EXD3: variants seen among roughly 807,000 people sequenced by gnomAD.
EXD3 encodes the protein exonuclease 3'-5' domain containing 3, also known as exonuclease mut-7 homolog.
Under a neutral mutation model 98.0 loss-of-function variants are expected in EXD3, and 92 were observed. The ratio of observed to expected loss-of-function variants is 0.94; its 90% CI spans 0.79 to 1.12. EXD3 has a LOEUF of 1.12. Among genes scored for constraint, EXD3 ranks in the 50% most tolerant of loss-of-function variants. EXD3 has a pLI of 0.00. For missense variants in EXD3, 1,222 were observed against 1,191.6 expected, an observed-to-expected ratio of 1.03 and a Z score of -0.38; for synonymous variants, 569 against 526.0, an observed-to-expected ratio of 1.08 and a Z score of -1.12.
intron 17 of EXD3, among the ~76,000 whole-genome samples, chr9:137,328,485 A>ACTAATATACTCCCACATGATG (rs1336695260): frequency 1.3e-5 from 2 of 151,746 alleles, no homozygotes; most frequent in Admixed American, 6.5e-5. Context: ...AGTAAAAACA[A>ACTAATATACTCCCACATGATG]AAGTAAAAAC....
intron 19 of EXD3, among the ~76,000 whole-genome samples, chr9:137,322,396 ACATCT>A (rs1832082336): frequency 1.4e-5 from 2 of 144,080 alleles, no homozygotes; most frequent in Non-Finnish European, 3.0e-5. Flanking sequence ...TTCTCTGCCA[ACATCT>A]CACCCCAGAC....
chr9:137,363,499 G>A (rs1204095345), intron 7 of EXD3, among the ~76,000 whole-genome samples: 1 of 151,538 alleles, frequency 6.6e-6, no homozygotes, highest in African/African-American at 2.4e-5. Flanking sequence ...CACCATGCCT[G>A]GCTAATTTTC....
intron 2 of EXD3, among the ~76,000 whole-genome samples, chr9:137,386,416 T>C (rs921449959): frequency 6.6e-6 from 1 of 152,098 alleles, no homozygotes; most frequent in African/African-American, 2.4e-5. Context: ...TCAGTGTTGC[T>C]GGTCTTTGCC....
chr9:137,402,297 A>G (rs1295187864), intron 1 of EXD3, among the ~76,000 whole-genome samples: 1 of 152,174 alleles, frequency 6.6e-6, no homozygotes, highest in Non-Finnish European at 1.5e-5. Flanking sequence ...TACAGGTGTG[A>G]GCCATTGTGC....
chr9:137,382,015 A>AGGTGAGGG (rs1836306864), intron 3 of EXD3, among the ~76,000 whole-genome samples: 1 of 59,782 alleles, frequency 1.7e-5, no homozygotes, highest in African/African-American at 7.8e-5. Context: ...GGAGGTGAGG[A>AGGTGAGGG]CGCGGGGAGG....
In EXD3 at chr9:137,324,229, C is replaced by T; in HGVS notation, c.1999-86G>A. ...CCTCTGCTCGCCACCCCCTAGCTCC[C>T]CGGATCGTGGCCCTGCCCCAGGCCC... On this transcript the variant is annotated intron_variant, in intron 17 of 21. Coordinates refer to ENST00000340951, the MANE Select transcript of EXD3 (RefSeq NM_017820.5). The surrounding 1 kb of genome is among the most constrained non-coding windows in gnomAD (Gnocchi z 4.1). 8.3e-7 allele frequency: 1 copy of T among 1,211,316 alleles called. No individual in the cohort carries two copies. Among genetic ancestry groups the T allele is most frequent in the Non-Finnish European group, 1.2e-6 (1 of 850,192 alleles). 75.0% of individuals were successfully genotyped at this position (1,211,316 alleles called of 1,614,324 possible).
chr9:137,403,579 T>G lies in EXD3; in HGVS notation c.-47-8175A>C, dbSNP rs1837576408. Among the ~76,000 whole-genome samples the G allele has an allele frequency of 1.1e-5, 1 of 90,994 alleles. No homozygotes were observed. 59.7% of individuals were successfully genotyped at this position (90,994 alleles called of 152,430 possible). On this transcript the variant is annotated intron_variant, in intron 1 of 21. Coordinates refer to ENST00000340951, the MANE Select transcript of EXD3 (RefSeq NM_017820.5). This position sits in a 1 kb window ranked among gnomAD's most constrained non-coding sequence, Gnocchi z 6.1. Reference sequence around the variant, plus strand: ...GGGCCTCCATTCCCGAGCCCCCCAGTTTTCGCCTCTCTCCTTCTCTTTGCC... The same window carrying G: ...GGGCCTCCATTCCCGAGCCCCCCAGGTTTCGCCTCTCTCCTTCTCTTTGCC...
chr9:137,415,651 C>T (rs1838202122), intron 1 of EXD3, among the ~76,000 whole-genome samples: 1 of 152,210 alleles, frequency 6.6e-6, no homozygotes, highest in South Asian at 2.1e-4. Context: ...CCCATGGGCT[C>T]TGGGGAACCC....
At chr9:137,327,958 TATG>T (rs1490927400) in intron 17 of EXD3, among the ~76,000 whole-genome samples, 1 of 46,750 alleles carries the variant, frequency 2.1e-5, no homozygotes, top group African/African-American at 8.6e-5. Context: ...TATACTCCTA[TATG>T]ATGAGTAAAA....
chr9:137,345,671 A>AAAAAAAAAAAAAAAAG (rs1554807528), intron 17 of EXD3: 3 of 151,040 alleles, frequency 2.0e-5, no homozygotes, highest in African/African-American at 7.4e-5. Flanking sequence ...CAAAAAAAAA[A>AAAAAAAAAAAAAAAAG]AAAAGGAAAG....
intron 1 of EXD3, among the ~76,000 whole-genome samples, chr9:137,417,612 C>T (rs980384158): frequency 6.6e-6 from 1 of 152,162 alleles, no homozygotes; most frequent in Non-Finnish European, 1.5e-5. Flanking sequence ...AGCCGCGCTG[C>T]GCGTGGCGGC....
chr9:137,341,382 G>A (rs1833647301), intron 17 of EXD3, among the ~76,000 whole-genome samples: 1 of 152,236 alleles, frequency 6.6e-6, no homozygotes, highest in African/African-American at 2.4e-5. Flanking sequence ...AGGTGATTCA[G>A]TGTTACAGGA....
intron 10 of EXD3, 97 bp from the exon 11 acceptor site, chr9:137,352,883 G>A: frequency 6.8e-7 from 1 of 1,469,798 alleles, no homozygotes. Flanking sequence ...CTTGCAGACT[G>A]GCTATGAGCA....
At chr9:137,308,334 C>T (rs1163599342) in intron 20 of EXD3, among the ~76,000 whole-genome samples, 4 of 152,192 alleles carry the variant, frequency 2.6e-5, no homozygotes, top group African/African-American at 9.7e-5. Context: ...CACGCCCCCA[C>T]CCCAGCCCCA....
intron 19 of EXD3, among the ~76,000 whole-genome samples, chr9:137,316,620 G>C (rs1831679514): frequency 6.6e-6 from 1 of 152,246 alleles, no homozygotes; most frequent in Non-Finnish European, 1.5e-5. Context: ...ATCGACTGGG[G>C]GACTTCCTGG....
chr9:137,418,783 GA>G (rs1838366752), intron 1 of EXD3, among the ~76,000 whole-genome samples: 1 of 151,864 alleles, frequency 6.6e-6, no homozygotes, highest in African/African-American at 2.4e-5. Context: ...AAAAAAAGGG[GA>G]AAGAGGGAGA....
chr9:137,358,393 G>T (rs112428342), intron 7 of EXD3, among the ~76,000 whole-genome samples: 1 of 152,130 alleles, frequency 6.6e-6, no homozygotes, highest in Non-Finnish European at 1.5e-5. Flanking sequence ...ACACCGTGCC[G>T]CTCACAAAGA....
intron 17 of EXD3, among the ~76,000 whole-genome samples, chr9:137,328,303 A>T (rs1482597131): frequency 1.3e-5 from 2 of 151,212 alleles, no homozygotes; most frequent in African/African-American, 4.9e-5. Context: ...ACGAATAAAC[A>T]CCCATATGAT....
intron 5 of EXD3, 95 bp downstream of exon 5, chr9:137,372,810 A>G (rs901033262): frequency 3.8e-6 from 5 of 1,302,864 alleles, no homozygotes; most frequent in Non-Finnish European, 5.3e-6. Context: ...AGCCCCAAAC[A>G]GCCCCCACAC....
Sources: gnomAD v4.1 joint callset for allele counts (sites outside exome capture counted in the v4.1 genomes callset) on GRCh38, gnomAD v4.1.1 for gene constraint, Gnocchi (gnomAD v3.1) non-coding constraint, MANE v1.5 for transcripts, NCBI Gene and HGNC (gene_info 2026-07-23, HGNC 2026-07-21) for gene names.